Variants in AGMO observed in about 807,000 individuals in gnomAD.
AGMO encodes glyceryl-ether monooxygenase.
In AGMO, 75 loss-of-function variants were observed where a neutral mutation model predicts 60.2. The observed-to-expected ratio is 1.25, with a 90% confidence interval of 1.03 to 1.51. AGMO has a LOEUF of 1.51. Among genes scored for constraint, AGMO ranks in the 40% most tolerant of loss-of-function variants. AGMO has a pLI of 0.00. For synonymous variants in AGMO, 261 were observed against 177.1 expected, an observed-to-expected ratio of 1.47 and a Z score of -3.76; for missense variants, 763 against 525.5, an observed-to-expected ratio of 1.45 and a Z score of -4.42.
At chr7:15,250,382 C>G (rs114724736) in intron 12 of AGMO, among the ~76,000 whole-genome samples, 1 of 152,046 alleles carries the variant, frequency 6.6e-6, no homozygotes, top group African/African-American at 2.4e-5. Context: ...AGTAGCAAAA[C>G]GTGTGTAATT....
At chr7:15,421,167 G>A (rs929296380) in intron 4 of AGMO, among the ~76,000 whole-genome samples, 1 of 152,050 alleles carries the variant, frequency 6.6e-6, no homozygotes, top group South Asian at 2.1e-4. Context: ...CTAGAAATCA[G>A]GTTGGACCAT....
intron 12 of AGMO, among the ~76,000 whole-genome samples, chr7:15,265,731 G>A (rs765900549): frequency 4.6e-5 from 7 of 151,978 alleles, no homozygotes; most frequent in African/African-American, 1.2e-4. Context: ...TGGAAAATAC[G>A]ATGGTTCCTC....
At chr7:15,345,553 C>T (rs181573230) in intron 12 of AGMO, among the ~76,000 whole-genome samples, 3 of 152,308 alleles carry the variant, frequency 2.0e-5, no homozygotes, top group Non-Finnish European at 4.4e-5. Context: ...ACTGTAATTA[C>T]TATTTTATTT....
chr7:15,188,861 A>T, the AGMO span, among the ~76,000 whole-genome samples: 4 of 152,316 alleles, frequency 2.6e-5, no homozygotes, highest in African/African-American at 9.6e-5. Flanking sequence ...TCTGATTTTG[A>T]TAAGAGCATT....
At chr7:15,443,052 C>T (rs773734961) in intron 3 of AGMO, among the ~76,000 whole-genome samples, 2 of 152,220 alleles carry the variant, frequency 1.3e-5, no homozygotes, top group Non-Finnish European at 2.9e-5. Flanking sequence ...CCTCTGGCTT[C>T]GCCATCTGCT....
rs574916333 is a variant in AGMO, at chr7:15,328,897, C to G, written c.1263+36617G>C. ...TGATTTTCCATTTCTTTCCTGAACACACTCATCTTTCCATACCAGGTCTTG... is the reference window on the plus strand; with the variant it reads ...TGATTTTCCATTTCTTTCCTGAACAGACTCATCTTTCCATACCAGGTCTTG... On this transcript the variant is annotated intron_variant, in intron 12 of 12. Coordinates refer to ENST00000342526, the MANE Select transcript of AGMO (RefSeq NM_001004320.2). Among the ~76,000 whole-genome samples, 34 of 152,204 alleles carry G rather than the reference C, an allele frequency of 2.2e-4. No homozygotes were observed. In the South Asian group the frequency reaches 2.3e-3, roughly 10 times the overall value.
At position 15,421,159 on chromosome 7, in the gene AGMO, A is replaced by G. The variant is rs556113196; in HGVS notation, c.514-2506T>C. On this transcript the variant is annotated intron_variant, in intron 4 of 12. Coordinates refer to ENST00000342526, the MANE Select transcript of AGMO (RefSeq NM_001004320.2). Reference sequence around the variant, plus strand: ...GAAGGCGTTGGAGAGTAGTGTGGCTAGAAATCAGGTTGGACCATGGGATTT... The same window carrying G: ...GAAGGCGTTGGAGAGTAGTGTGGCTGGAAATCAGGTTGGACCATGGGATTT... 6.6e-5 allele frequency among the ~76,000 whole-genome samples: 10 copies of G among 152,218 alleles called. 1 individual carries two copies. In the South Asian group the frequency reaches 1.9e-3, roughly 28 times the overall value.
intron 12 of AGMO, among the ~76,000 whole-genome samples, chr7:15,262,245 A>G (rs957182289): frequency 1.3e-5 from 2 of 152,088 alleles, no homozygotes; most frequent in East Asian, 1.9e-4. Flanking sequence ...AGACTCATCC[A>G]AAAAGCTCCT....
chr7:15,525,666 A>G (rs984583809), intron 3 of AGMO, among the ~76,000 whole-genome samples: 1 of 152,136 alleles, frequency 6.6e-6, no homozygotes, highest in Non-Finnish European at 1.5e-5. Context: ...GGTACAAAGA[A>G]GACGGTAACA....
chr7:15,438,995 T>C (rs1361821031), intron 3 of AGMO, among the ~76,000 whole-genome samples: 1 of 152,188 alleles, frequency 6.6e-6, no homozygotes, highest in Non-Finnish European at 1.5e-5. Flanking sequence ...CCTAGGAAAC[T>C]AGTAAGCTGG....
intron 10 of AGMO, among the ~76,000 whole-genome samples, chr7:15,384,981 CA>C (rs938363169): frequency 2.0e-5 from 3 of 151,896 alleles, no homozygotes; most frequent in African/African-American, 7.2e-5. Context: ...CTATTTGCAC[CA>C]GACAAATTGG....
chr7:15,438,633 G>A (rs576176915), intron 3 of AGMO, among the ~76,000 whole-genome samples: 7 of 152,052 alleles, frequency 4.6e-5, no homozygotes, highest in East Asian at 1.9e-4. Flanking sequence ...TCACGGTCTC[G>A]CTGTTCCTCT....
At chr7:15,226,770 G>T (rs963845744) in intron 12 of AGMO, among the ~76,000 whole-genome samples, 2 of 152,018 alleles carry the variant, frequency 1.3e-5, no homozygotes, top group African/African-American at 4.8e-5. Flanking sequence ...ATTTCATGGG[G>T]ACAACACTGG....
In AGMO at chr7:15,378,272, T is replaced by C. The variant is rs192044724; in HGVS notation, c.1074+7174A>G. ...ATTGTTTAAAATTTGGGTTCCTATA[T>C]GAAGAATAATTTGGTTACTAACTTT... On this transcript the variant is annotated intron_variant, in intron 10 of 12. Transcript: ENST00000342526. Among the ~76,000 whole-genome samples the C allele has an allele frequency of 3.9e-3, 593 of 152,128 alleles. 3 individuals carry two copies. The highest frequency in any genetic ancestry group is 0.014 in the African/African-American group (566 of 41,502).
the AGMO span, among the ~76,000 whole-genome samples, chr7:15,153,007 T>C: frequency 3.9e-5 from 6 of 152,262 alleles, no homozygotes; most frequent in South Asian, 4.1e-4. Flanking sequence ...GCAACATCTA[T>C]TATTTTTTGA....
chr7:15,462,315 G>A (rs1782163340), intron 3 of AGMO, among the ~76,000 whole-genome samples: 1 of 152,116 alleles, frequency 6.6e-6, no homozygotes, highest in African/African-American at 2.4e-5. Flanking sequence ...ACTTGCTGCA[G>A]AGACAGATTC....
intron 3 of AGMO, among the ~76,000 whole-genome samples, chr7:15,438,868 A>G (rs1781469232): frequency 6.6e-6 from 1 of 152,158 alleles, no homozygotes; most frequent in African/African-American, 2.4e-5. Context: ...CCTCACTATT[A>G]ATTTGTTGTT....
In AGMO at chr7:15,454,874, C is replaced by G. The variant is rs1237038836; in HGVS notation, c.410-23766G>C. Among the ~76,000 whole-genome samples, 3 of 152,194 alleles carry G rather than the reference C, an allele frequency of 2.0e-5. No individual in the cohort carries two copies. In the South Asian group the frequency reaches 6.2e-4, roughly 32 times the overall value. On this transcript the variant is annotated intron_variant, in intron 3 of 12. Transcript: ENST00000342526. ...ACAAAAACAGCAAACCTTGACCCAACCTTCCCTACCTCTGATTCCCACTTA... is the reference window on the plus strand; with the variant it reads ...ACAAAAACAGCAAACCTTGACCCAAGCTTCCCTACCTCTGATTCCCACTTA...
At chr7:15,553,874 C>A (rs1264886747) in intron 2 of AGMO, among the ~76,000 whole-genome samples, 1 of 152,074 alleles carries the variant, frequency 6.6e-6, no homozygotes, top group East Asian at 1.9e-4. Context: ...GCCTAACATA[C>A]TACAGTCAAG....
Sources: allele counts gnomAD v4.1 joint callset (sites outside exome capture counted in the v4.1 genomes callset), GRCh38; gene constraint gnomAD v4.1.1; transcripts MANE v1.5; gene names NCBI Gene and HGNC (gene_info 2026-07-23, HGNC 2026-07-21).